The following CSMD3 variants were observed in gnomAD, a reference collection of about 807,000 sequenced individuals.
The protein encoded by CSMD3 is CUB and sushi domain-containing protein 3.
A neutral mutation model predicts 435.2 loss-of-function variants in CSMD3; 177 were observed. The ratio of observed to expected loss-of-function variants is 0.41; its 90% CI spans 0.36 to 0.46. CSMD3 has a LOEUF of 0.46. Ranked by LOEUF, CSMD3 falls within the 20% of genes least tolerant of loss-of-function variation. The probability of loss-of-function intolerance (pLI) is 0.34; values close to 1 mark genes in which losing one functional copy is unlikely to be tolerated. For missense variants in CSMD3, 4,265 were observed against 4,504.6 expected, an observed-to-expected ratio of 0.95 and a Z score of 1.52; for synonymous variants, 1,656 against 1,520.5, an observed-to-expected ratio of 1.09 and a Z score of -2.07.
chr8:112,796,270 GT>G (rs1424365105), intron 13 of CSMD3, among the ~76,000 whole-genome samples: 1 of 152,068 alleles, frequency 6.6e-6, no homozygotes, highest in Non-Finnish European at 1.5e-5. Flanking sequence ...AACCATTCAT[GT>G]TCATTCATTT....
At chr8:112,657,559 A>G (rs1383796157) in intron 17 of CSMD3, among the ~76,000 whole-genome samples, 1 of 152,210 alleles carries the variant, frequency 6.6e-6, no homozygotes, top group Non-Finnish European at 1.5e-5. Context: ...TTTAACATGT[A>G]TAACATCTAT....
At chr8:112,607,516 C>A (rs1037100313) in intron 22 of CSMD3, among the ~76,000 whole-genome samples, 1 of 151,906 alleles carries the variant, frequency 6.6e-6, no homozygotes, top group Non-Finnish European at 1.5e-5. Context: ...CAAAGACAGA[C>A]AAGATACTAC....
At chr8:112,997,245 G>C (rs1309690825) in intron 6 of CSMD3, among the ~76,000 whole-genome samples, 1 of 151,482 alleles carries the variant, frequency 6.6e-6, no homozygotes, top group African/African-American at 2.4e-5. Context: ...TTTTCTAAAA[G>C]TCACATTCCA....
intron 13 of CSMD3, among the ~76,000 whole-genome samples, chr8:112,760,730 T>G (rs1184702325): frequency 6.6e-6 from 1 of 152,166 alleles, no homozygotes; most frequent in African/African-American, 2.4e-5. Flanking sequence ...TTTGGTAGAC[T>G]TATTCCCACC....
At chr8:113,099,856 A>G (rs1014124177) in intron 4 of CSMD3, among the ~76,000 whole-genome samples, 2 of 152,120 alleles carry the variant, frequency 1.3e-5, no homozygotes, top group African/African-American at 4.8e-5. Flanking sequence ...AGTCAAGCTA[A>G]TAAGTTACAA....
intron 1 of CSMD3, among the ~76,000 whole-genome samples, chr8:113,327,690 CA>C (rs2093993580): frequency 6.6e-6 from 1 of 151,894 alleles, no homozygotes; most frequent in Non-Finnish European, 1.5e-5. Context: ...CTGGAAAACT[CA>C]ATTTGCACAT....
chr8:113,032,274 G>T (rs2087144008), intron 5 of CSMD3, among the ~76,000 whole-genome samples: 1 of 151,562 alleles, frequency 6.6e-6, no homozygotes, highest in African/African-American at 2.4e-5. Context: ...ATGTAGAAAA[G>T]TTTGGAACTT....
intron 13 of CSMD3, among the ~76,000 whole-genome samples, chr8:112,776,441 A>G (rs967482106): frequency 2.0e-5 from 3 of 151,752 alleles, no homozygotes; most frequent in Non-Finnish European, 4.4e-5. Context: ...AAGAATTTGA[A>G]GTGTCAAAAA....
At chr8:113,430,738 T>C (rs1467494491) in intron 1 of CSMD3, among the ~76,000 whole-genome samples, 1 of 152,240 alleles carries the variant, frequency 6.6e-6, no homozygotes, top group Non-Finnish European at 1.5e-5. Context: ...TGATATCTAA[T>C]GCCACATAAT....
At chr8:113,363,062 A>G (rs187294860) in intron 1 of CSMD3, among the ~76,000 whole-genome samples, 1 of 152,268 alleles carries the variant, frequency 6.6e-6, no homozygotes, top group African/African-American at 2.4e-5. Flanking sequence ...CCTCTCCTCA[A>G]TGTGTGTGTA....
intron 22 of CSMD3, among the ~76,000 whole-genome samples, chr8:112,624,978 T>C (rs367545287): frequency 6.6e-6 from 1 of 151,974 alleles, no homozygotes; most frequent in African/African-American, 2.4e-5. Context: ...AGAAAGGCAT[T>C]GTAAGATCAA....
At chr8:112,430,614 G>A (rs1439387237) in intron 32 of CSMD3, among the ~76,000 whole-genome samples, 2 of 151,838 alleles carry the variant, frequency 1.3e-5, no homozygotes, top group East Asian at 1.9e-4. Flanking sequence ...ATTCATAAAA[G>A]AACACTTATG....
chr8:112,277,846 C>T (rs73341009), intron 59 of CSMD3, among the ~76,000 whole-genome samples: 3,414 of 152,188 alleles, frequency 0.022, 132 homozygotes, highest in African/African-American at 0.077. Context: ...TCTTATGAGA[C>T]TTAGCACTAC....
chr8:113,255,565 T>C (rs1461803893), intron 3 of CSMD3, among the ~76,000 whole-genome samples: 2 of 152,010 alleles, frequency 1.3e-5, no homozygotes, highest in Non-Finnish European at 2.9e-5. Context: ...ACTACCCTGA[T>C]CACCAACTAA....
chr8:113,204,352 G>A (rs1359742603), intron 3 of CSMD3, among the ~76,000 whole-genome samples: 1 of 151,934 alleles, frequency 6.6e-6, no homozygotes, highest in African/African-American at 2.4e-5. Flanking sequence ...TCTTACCCCA[G>A]GTACTGTTCA....
intron 3 of CSMD3, among the ~76,000 whole-genome samples, chr8:113,222,995 CTT>C (rs1383001331): frequency 6.6e-6 from 1 of 150,850 alleles, no homozygotes; most frequent in African/African-American, 2.4e-5. Context: ...TCATGTTCCT[CTT>C]GTTTATTACT....
At chr8:113,408,840 T>G (rs1478283522) in intron 1 of CSMD3, among the ~76,000 whole-genome samples, 1 of 151,996 alleles carries the variant, frequency 6.6e-6, no homozygotes, top group African/African-American at 2.4e-5. Context: ...AATTTTTGTA[T>G]TTTTAGTAGA....
At chr8:113,256,848 G>A (rs1325180544) in intron 3 of CSMD3, among the ~76,000 whole-genome samples, 2 of 152,168 alleles carry the variant, frequency 1.3e-5, no homozygotes, top group East Asian at 1.9e-4. Context: ...TAGTGTGTAG[G>A]ATGGAAAGAT....
At chr8:113,047,312 A>T (rs2087878495) in intron 5 of CSMD3, among the ~76,000 whole-genome samples, 1 of 152,234 alleles carries the variant, frequency 6.6e-6, no homozygotes, top group Non-Finnish European at 1.5e-5. Flanking sequence ...TTGTTCACTG[A>T]TGCAACCTCA....
Sources: allele counts gnomAD v4.1 joint callset (sites outside exome capture counted in the v4.1 genomes callset), GRCh38; gene constraint gnomAD v4.1.1; transcripts MANE v1.5; gene names NCBI Gene and HGNC (gene_info 2026-07-23, HGNC 2026-07-21).